ZC3H6: variants seen among roughly 807,000 people sequenced by gnomAD.
ZC3H6 encodes zinc finger CCCH-type containing 6.
ZC3H6 carries 40 observed loss-of-function variants against 107.7 expected under a neutral mutation model. That is an observed-to-expected ratio of 0.37 (90% CI 0.29 to 0.48). The LOEUF (loss-of-function observed/expected upper bound fraction) is 0.48, where lower values mean the gene tolerates loss of function less well. Among genes scored for constraint, ZC3H6 ranks in the 20% least tolerant of loss-of-function variants. The pLI is 0.98. For synonymous variants in ZC3H6, 493 were observed against 487.9 expected (o/e 1.01, Z -0.14); for missense variants, 1,267 against 1,410.4 (o/e 0.90, Z 1.63).
At chr2:112,329,816 G>T (rs908161877) in intron 11 of ZC3H6, among the ~76,000 whole-genome samples, 2 of 152,156 alleles carry the variant, frequency 1.3e-5, no homozygotes, top group African/African-American at 2.4e-5. Flanking sequence ...GCAAGAATGT[G>T]AACAGTAGAT....
At chr2:112,303,508 CAG>C in intron 3 of ZC3H6, 157 bp downstream of exon 3, 1 of 563,772 alleles carries the variant, frequency 1.8e-6, no homozygotes, top group East Asian at 3.3e-5. Context: ...TCATTCCAAA[CAG>C]AAACTCAGCA....
chr2:112,330,478 G>A (rs4525706), intron 11 of ZC3H6, among the ~76,000 whole-genome samples: 77,579 of 152,064 alleles, frequency 0.51, 21,984 homozygotes, highest in East Asian at 0.77. Context: ...AGTTTCCATT[G>A]CTACCTTAAC....
At chr2:112,300,202 AAG>A (rs1676343542) in intron 2 of ZC3H6, among the ~76,000 whole-genome samples, 173 bp downstream of exon 2, 1 of 152,166 alleles carries the variant, frequency 6.6e-6, no homozygotes, top group Admixed American at 6.5e-5. Flanking sequence ...AAGATTTAAA[AAG>A]TAATTAAGTT....
intron 6 of ZC3H6, 148 bp from the exon 7 acceptor site, chr2:112,317,073 G>T: frequency 1.8e-6 from 1 of 550,054 alleles, no homozygotes. Flanking sequence ...GGGGTCATTT[G>T]AGTTATTATT....
rs1677046050 is a variant in ZC3H6 at position 112,332,094 on chromosome 2, C to T, written c.3176C>T (p.Thr1059Ile). ...CCTAGGGATCACGGTTCATCATCCA[C>T]ATCAGAGCTAGCAACAGCTTCTTCA... ...YDPRDHGSSS[T>I]SELATASSGE... Residue 1059 changes from threonine to isoleucine, a missense_variant, in exon 12 of 12, where the codon ACA (threonine) becomes ATA (isoleucine). By Grantham distance (89) the Thr-to-Ile change is moderately conservative (BLOSUM62 -1). Coordinates refer to ENST00000409871, the MANE Select transcript of ZC3H6 (RefSeq NM_198581.3). 2 of 1,613,902 alleles carry T rather than the reference C, an allele frequency of 1.2e-6. No homozygotes were observed. The highest frequency in any genetic ancestry group is 8.5e-7 in the Non-Finnish European group (1 of 1,179,894).
intron 1 of ZC3H6, among the ~76,000 whole-genome samples, chr2:112,281,154 T>C (rs548743895): frequency 6.6e-6 from 1 of 151,898 alleles, no homozygotes; most frequent in East Asian, 1.9e-4. Context: ...GAAAGGGAGA[T>C]GGGGAGTCAA....
chr2:112,334,094 A>C lies in ZC3H6; in HGVS notation c.*1606A>C, dbSNP rs541355367. 6.6e-6 allele frequency: 1 copy of C among 152,098 alleles called. No individual in the cohort carries two copies. Among genetic ancestry groups the C allele is most frequent in the Non-Finnish European group, 1.5e-5 (1 of 67,964 alleles). The allele number at this position is 152,098 out of a possible 1,614,324, so 9.4% of individuals were successfully genotyped here. On this transcript the variant is annotated 3_prime_UTR_variant, in exon 12 of 12. Transcript: ENST00000409871. ...GGGAATGTGAATTTTTACCGTTTGTACTTAAGATACATTTGTTGTCTAAAA... is the reference window on the plus strand; with the variant it reads ...GGGAATGTGAATTTTTACCGTTTGTCCTTAAGATACATTTGTTGTCTAAAA...
chr2:112,275,901 G>C lies in ZC3H6; in HGVS notation c.-94G>C, dbSNP rs1369190652. 8.6e-7 allele frequency: 1 copy of C among 1,160,998 alleles called. No individual in the cohort carries two copies. The highest frequency in any genetic ancestry group is 1.6e-5 in the South Asian group (1 of 63,660). The allele number at this position is 1,160,998 out of a possible 1,614,324, so 71.9% of individuals were successfully genotyped here. On this transcript the variant is annotated 5_prime_UTR_variant, in exon 1 of 12. Transcript: ENST00000409871. ...CACCTGTCGGCGGCGGCCGGGAGCA[G>C]GTTCCCGCAGGCGGCGCGGGGGGTC...
In ZC3H6 at chr2:112,331,030, T is replaced by C. The variant is rs1461930273; in HGVS notation, c.2112T>C (p.Ser704=). Residue 704 remains serine (S), a synonymous_variant, in exon 12 of 12, where the codon AGT becomes AGC. Coordinates refer to ENST00000409871, the MANE Select transcript of ZC3H6 (RefSeq NM_198581.3). ...EEDDTVNWYS[S]SEEEEGSSVK... The stretch of plus-strand genomic sequence containing the variant: ...ATGATACAGTTAACTGGTATTCCAG[T>C]AGTGAAGAGGAAGAAGGAAGCAGTG... 3 of 1,543,634 alleles carry C rather than the reference T, an allele frequency of 1.9e-6. No homozygotes were observed. The African/African-American group carries it at 4.1e-5, about 21-fold the overall frequency.
intron 1 of ZC3H6, among the ~76,000 whole-genome samples, chr2:112,299,290 A>AC: frequency 6.6e-6 from 1 of 151,660 alleles, no homozygotes; most frequent in East Asian, 1.9e-4. Flanking sequence ...AAAAAAAAAA[A>AC]AAATTTAAGA....
At chr2:112,278,371 G>A (rs180727758) in intron 1 of ZC3H6, among the ~76,000 whole-genome samples, 2 of 152,308 alleles carry the variant, frequency 1.3e-5, no homozygotes, top group African/African-American at 4.8e-5. Flanking sequence ...AGGCTGGAGT[G>A]CAGTGGCACT....
At chr2:112,300,983 A>T (rs1164273000) in intron 2 of ZC3H6, among the ~76,000 whole-genome samples, 1 of 152,252 alleles carries the variant, frequency 6.6e-6, no homozygotes, top group Non-Finnish European at 1.5e-5. Flanking sequence ...GAAACAAGTT[A>T]TCTCTAATAA....
At position 112,339,141 on chromosome 2, in the gene ZC3H6, A is replaced by T. The variant is rs1677197020; in HGVS notation, c.*6653A>T. ...ACTCCTGACCTCAAATGATCCACCG[A>T]CCTGAGCCTCCCAAAGTGCTGGCCT... is the stretch of plus-strand genomic sequence containing the variant. On this transcript the variant is annotated 3_prime_UTR_variant, in exon 12 of 12. Coordinates refer to ENST00000409871, the MANE Select transcript of ZC3H6 (RefSeq NM_198581.3). 6.6e-6 allele frequency: 1 copy of T among 151,668 alleles called. No homozygotes were observed. The highest frequency in any genetic ancestry group is 1.5e-5 in the Non-Finnish European group (1 of 67,906). 9.4% of individuals were successfully genotyped at this position (151,668 alleles called of 1,614,324 possible). A position where few individuals can be genotyped will look rare whatever the true frequency, so the allele number is the denominator to read the frequency against.
chr2:112,314,234 G>A (rs1676649104), intron 5 of ZC3H6, among the ~76,000 whole-genome samples: 1 of 151,766 alleles, frequency 6.6e-6, no homozygotes, highest in South Asian at 2.1e-4. Flanking sequence ...GTAATGCAAA[G>A]AATATAGGAG....
At position 112,317,205 on chromosome 2, in the gene ZC3H6, T is replaced by C. The variant is rs773694733; in HGVS notation, c.865-16T>C. The C allele has an allele frequency of 1.8e-5, 25 of 1,354,808 alleles. No individual in the cohort carries two copies. Among genetic ancestry groups the C allele is most frequent in the Non-Finnish European group, 2.1e-5 (22 of 1,024,696 alleles). The allele number at this position is 1,354,808 out of a possible 1,614,324, so 83.9% of individuals were successfully genotyped here. ...TACCTTTTTTTCTTTTTTCTTTTTT[T>C]TTTTTTTGTGAATAGGGAGATCAGT... On this transcript the variant is annotated splice_polypyrimidine_tract_variant and intron_variant, in intron 6 of 11. Transcript: ENST00000409871.
chr2:112,308,404 TTTTATTTA>T lies in ZC3H6; in HGVS notation c.337-1449_337-1442del, dbSNP rs370414380. Reference sequence around the variant, plus strand: ...TTTGCCAGAGTAGTATTTTATTTTATTTTATTTATTTATTTATTTATTTATTTATTTAT... The same window carrying T: ...TTTGCCAGAGTAGTATTTTATTTTATTTTATTTATTTATTTATTTATTTAT... On this transcript the variant is annotated intron_variant, in intron 3 of 11. Coordinates refer to ENST00000409871, the MANE Select transcript of ZC3H6 (RefSeq NM_198581.3). Among the ~76,000 whole-genome samples the T allele has an allele frequency of 1.2e-3, 170 of 138,304 alleles. 1 individual carries two copies. The highest frequency in any genetic ancestry group is 4.2e-3 in the South Asian group (18 of 4,260). 90.7% of individuals were successfully genotyped at this position (138,304 alleles called of 152,430 possible).
intron 1 of ZC3H6, among the ~76,000 whole-genome samples, chr2:112,282,474 G>A (rs985288961): frequency 3.3e-5 from 5 of 152,186 alleles, no homozygotes; most frequent in Admixed American, 2.0e-4. Context: ...TACATGAATT[G>A]TTTAATCCTC....
Position 112,332,558 on chromosome 2 carries a change from T to C in ZC3H6, c.*70T>C. The C allele has an allele frequency of 6.9e-7, 1 of 1,440,090 alleles. No individual in the cohort carries two copies. The highest frequency in any genetic ancestry group is 9.4e-7 in the Non-Finnish European group (1 of 1,067,572). 89.2% of individuals were successfully genotyped at this position (1,440,090 alleles called of 1,614,324 possible). On this transcript the variant is annotated 3_prime_UTR_variant, in exon 12 of 12. Coordinates refer to ENST00000409871, the MANE Select transcript of ZC3H6 (RefSeq NM_198581.3). ...AGTCCTCTGCTGTTTTGTAACTGGT[T>C]TACCTCTATAGTTTATTTATTTTTA...
chr2:112,282,067 C>T (rs1260747719), intron 1 of ZC3H6, among the ~76,000 whole-genome samples: 4 of 152,192 alleles, frequency 2.6e-5, no homozygotes, highest in African/African-American at 9.7e-5. Flanking sequence ...GCTCTACACT[C>T]CACAGTCTTA....
Sources: allele counts gnomAD v4.1 joint callset (sites outside exome capture counted in the v4.1 genomes callset), GRCh38; gene constraint gnomAD v4.1.1; transcripts MANE v1.5; gene names NCBI Gene and HGNC (gene_info 2026-07-23, HGNC 2026-07-21).